The following ANK3 variants were observed in gnomAD, a reference collection of about 807,000 sequenced individuals.
The protein encoded by ANK3 is ankyrin-3.
A neutral mutation model predicts 370.9 loss-of-function variants in ANK3; 57 were observed. The ratio of observed to expected loss-of-function variants is 0.15; its 90% CI spans 0.12 to 0.19. ANK3 has a LOEUF of 0.19. Among genes scored for constraint, ANK3 ranks in the 10% least tolerant of loss-of-function variants. The pLI is 1.00. For synonymous variants in ANK3, 1,929 were observed against 1,946.3 expected (o/e 0.99, Z 0.23); for missense variants, 4,439 against 5,302.1 (o/e 0.84, Z 5.06).
chr10:60,138,932 A>G lies in ANK3; in HGVS notation c.2738+32T>C, dbSNP rs767242241. 3 of 1,606,634 alleles carry G rather than the reference A, an allele frequency of 1.9e-6. No homozygotes were observed. The East Asian group carries it at 6.7e-5, about 36-fold the overall frequency. The stretch of plus-strand genomic sequence containing the variant: ...TTATGACAAATCATGGTTGTTTTAA[A>G]TTAACTATGAAAGACAGCAACAACG... On this transcript the variant is annotated intron_variant, in intron 24 of 43. Transcript: ENST00000280772.
At position 60,368,185 on chromosome 10, in the gene ANK3, A is replaced by G. The variant is rs72806109; in HGVS notation, c.114+21240T>C. 5.2e-3 allele frequency among the ~76,000 whole-genome samples: 787 copies of G among 152,184 alleles called. 4 individuals are homozygous for G. The highest frequency in any genetic ancestry group is 0.011 in the South Asian group (51 of 4,810). On this transcript the variant is annotated intron_variant, in intron 1 of 43. Coordinates refer to ENST00000280772, the MANE Select transcript of ANK3 (RefSeq NM_020987.5). ...AGCACATTAACTAAAAGAAGGGAAGAGAAAATCTCTAGGGGCAATACATGA... is the reference window on the plus strand; with the variant it reads ...AGCACATTAACTAAAAGAAGGGAAGGGAAAATCTCTAGGGGCAATACATGA...
intron 23 of ANK3, among the ~76,000 whole-genome samples, chr10:60,164,832 TA>T (rs1396620888): frequency 6.6e-6 from 1 of 152,170 alleles, no homozygotes; most frequent in Non-Finnish European, 1.5e-5. Context: ...TTTTCAACAT[TA>T]AATTCGGCAA....
chr10:60,160,990 C>T (rs1189749242), intron 23 of ANK3, among the ~76,000 whole-genome samples: 5 of 152,078 alleles, frequency 3.3e-5, no homozygotes, highest in Admixed American at 3.3e-4. Flanking sequence ...AAGACCAGGA[C>T]ACCCACTTTC....
chr10:60,723,435 A>G (rs1248759428), intron 1 of ANK3, among the ~76,000 whole-genome samples: 1 of 152,070 alleles, frequency 6.6e-6, no homozygotes, highest in Non-Finnish European at 1.5e-5. Flanking sequence ...AGACTCTTAC[A>G]CAAGAGCTAG....
chr10:60,485,551 G>A (rs1180018912), intron 2 of ANK3, among the ~76,000 whole-genome samples: 1 of 152,166 alleles, frequency 6.6e-6, no homozygotes, highest in Non-Finnish European at 1.5e-5. Context: ...AGGGCAGGAG[G>A]CAGGTAGTGA....
intron 25 of ANK3, among the ~76,000 whole-genome samples, chr10:60,119,927 A>T (rs1312426170): frequency 3.3e-5 from 5 of 152,186 alleles, no homozygotes; most frequent in Admixed American, 6.6e-5. Context: ...TCTCTATCAA[A>T]ATAATGATAT....
intron 1 of ANK3, among the ~76,000 whole-genome samples, chr10:60,689,655 G>A (rs2079321369): frequency 6.6e-6 from 1 of 151,802 alleles, no homozygotes; most frequent in Admixed American, 6.6e-5. Flanking sequence ...AGGAAGCTGA[G>A]GCAGGAGAAT....
chr10:60,677,266 G>A (rs976682634), intron 1 of ANK3, among the ~76,000 whole-genome samples: 2 of 152,188 alleles, frequency 1.3e-5, no homozygotes, highest in Non-Finnish European at 2.9e-5. Flanking sequence ...ACAATTTAGT[G>A]AGACACACTG....
intron 2 of ANK3, among the ~76,000 whole-genome samples, chr10:60,613,364 A>C (rs6479721): frequency 0.71 from 107,522 of 151,958 alleles, 38,174 homozygotes; most frequent in South Asian, 0.88. Context: ...TTATTTAACT[A>C]TCTGAATAGC....
chr10:60,398,245 A>C (rs376973654), intron 2 of ANK3, among the ~76,000 whole-genome samples: 1 of 152,244 alleles, frequency 6.6e-6, no homozygotes, highest in Non-Finnish European at 1.5e-5. Flanking sequence ...CTAACCATTT[A>C]AAATGTAAAT....
intron 1 of ANK3, among the ~76,000 whole-genome samples, chr10:60,629,070 T>C (rs535661843): frequency 5.5e-4 from 83 of 152,252 alleles, no homozygotes; most frequent in Middle Eastern, 3.4e-3. Flanking sequence ...CCAGGTGATT[T>C]CCCTTCTTTA....
intron 26 of ANK3, among the ~76,000 whole-genome samples, chr10:60,110,573 C>T (rs567948662): frequency 1.3e-5 from 2 of 152,262 alleles, no homozygotes; most frequent in East Asian, 3.9e-4. Flanking sequence ...GATACTTGTT[C>T]ACTTGTACAA....
At chr10:60,063,537 A>G (rs2081027225) in intron 39 of ANK3, among the ~76,000 whole-genome samples, 1 of 152,238 alleles carries the variant, frequency 6.6e-6, no homozygotes, top group Non-Finnish European at 1.5e-5. Flanking sequence ...TAATAAAACT[A>G]AAGTTTCCTT....
chr10:60,683,376 C>T (rs2079222704), intron 1 of ANK3, among the ~76,000 whole-genome samples: 1 of 152,098 alleles, frequency 6.6e-6, no homozygotes, highest in Admixed American at 6.6e-5. Flanking sequence ...TTGGAAGAAA[C>T]AGAATAGTAA....
intron 40 of ANK3, chr10:60,060,055 C>A (rs1209534005): frequency 7.2e-7 from 1 of 1,388,192 alleles, no homozygotes; most frequent in Non-Finnish European, 9.7e-7. Context: ...TAGAATACAT[C>A]AAACAAAAAC....
chr10:60,326,497 A>G (rs1025568460), intron 1 of ANK3, among the ~76,000 whole-genome samples: 1 of 151,770 alleles, frequency 6.6e-6, no homozygotes, highest in African/African-American at 2.4e-5. Flanking sequence ...TTTTTTTCAT[A>G]CCACGTCTAA....
chr10:60,165,583 G>T (rs1184942849), intron 23 of ANK3, among the ~76,000 whole-genome samples: 1 of 152,168 alleles, frequency 6.6e-6, no homozygotes, highest in Admixed American at 6.6e-5. Flanking sequence ...ATAACGAAAA[G>T]ATTAAAGTGG....
chr10:60,687,531 A>ACACACACACACACACACAC (rs111633246), intron 1 of ANK3, among the ~76,000 whole-genome samples: 148 of 121,120 alleles, frequency 1.2e-3, no homozygotes, highest in African/African-American at 5.2e-3. Context: ...CTGGTATAAA[A>ACACACACACACACACACAC]AAAAACACAC....
intron 1 of ANK3, 53 bp downstream of exon 1, chr10:60,389,372 G>T: frequency 6.5e-7 from 1 of 1,543,034 alleles, no homozygotes; most frequent in South Asian, 1.1e-5. Flanking sequence ...GCCAGAGGGA[G>T]ATTAAAACAA....
Sources: allele counts gnomAD v4.1 joint callset (sites outside exome capture counted in the v4.1 genomes callset), GRCh38; gene constraint gnomAD v4.1.1; transcripts MANE v1.5; gene names NCBI Gene and HGNC (gene_info 2026-07-23, HGNC 2026-07-21).